The following CTTNBP2 variants were observed in gnomAD, a reference collection of about 807,000 sequenced individuals.
CTTNBP2 encodes the protein cortactin binding protein 2.
Under a neutral mutation model 156.9 loss-of-function variants are expected in CTTNBP2, and 108 were observed. That is an observed-to-expected ratio of 0.69 (90% CI 0.59 to 0.81). CTTNBP2 has a LOEUF of 0.81. Ranked by LOEUF, CTTNBP2 falls within the 30% of genes least tolerant of loss-of-function variation. The probability of loss-of-function intolerance (pLI) is 0.00; values close to 1 mark genes in which losing one functional copy is unlikely to be tolerated. For missense variants in CTTNBP2, 1,924 were observed against 2,035.4 expected (o/e 0.95, Z 1.05); for synonymous variants, 767 against 751.8 (o/e 1.02, Z -0.33).
intron 22 of CTTNBP2, among the ~76,000 whole-genome samples, chr7:117,716,275 T>TG (rs1237468963): frequency 2.0e-5 from 3 of 151,782 alleles, no homozygotes; most frequent in Non-Finnish European, 4.4e-5. Flanking sequence ...CAACTCAATA[T>TG]GGTCATGTGA....
rs905595184 is a variant in CTTNBP2 at position 117,792,888 on chromosome 7, C to T, written c.415-107G>A. On this transcript the variant is annotated intron_variant, in intron 3 of 22. Transcript: ENST00000160373. This position sits in a 1 kb window ranked among gnomAD's most constrained non-coding sequence, Gnocchi z 4.2. ...TTAATTTTCTAACAATTACATAACT[C>T]GGGTTAGCAAAAACGCCACATTTTC... The T allele has an allele frequency of 3.8e-5, 30 of 779,232 alleles. No individual in the cohort carries two copies. The highest frequency in any genetic ancestry group is 1.1e-4 in the Admixed American group (3 of 27,260). The allele number at this position is 779,232 out of a possible 1,614,324, so 48.3% of individuals were successfully genotyped here.
intron 2 of CTTNBP2, among the ~76,000 whole-genome samples, chr7:117,816,082 AG>A (rs1800559603): frequency 1.3e-5 from 2 of 152,182 alleles, no homozygotes; most frequent in Non-Finnish European, 2.9e-5. Context: ...TCTCCTTCCC[AG>A]GGGGGCAATC....
At chr7:117,761,020 A>C (rs1250951605) in intron 9 of CTTNBP2, among the ~76,000 whole-genome samples, 1 of 152,184 alleles carries the variant, frequency 6.6e-6, no homozygotes, top group African/African-American at 2.4e-5. Context: ...AAAGAACTAT[A>C]ACCCTCCCTT....
intron 17 of CTTNBP2, among the ~76,000 whole-genome samples, chr7:117,727,705 T>C (rs1215732671): frequency 6.6e-6 from 1 of 152,204 alleles, no homozygotes; most frequent in East Asian, 1.9e-4. Context: ...AGGAAAACAG[T>C]AAGTACTGAA....
intron 14 of CTTNBP2, among the ~76,000 whole-genome samples, chr7:117,739,793 C>A (rs1239057123): frequency 6.6e-6 from 1 of 152,150 alleles, no homozygotes; most frequent in African/African-American, 2.4e-5. Context: ...ACAGGGCAAG[C>A]CTTTAAAGAG....
chr7:117,798,595 G>A (rs1178713499), intron 3 of CTTNBP2, among the ~76,000 whole-genome samples: 1 of 152,102 alleles, frequency 6.6e-6, no homozygotes, highest in East Asian at 1.9e-4. Flanking sequence ...GCATCTAAAA[G>A]CAGCTAAGGC....
Position 117,745,913 on chromosome 7 carries a change from T to C in CTTNBP2, c.3453A>G (p.Ala1151=). 1.2e-6 allele frequency: 2 copies of C among 1,614,126 alleles called. No individual in the cohort carries two copies. The highest frequency in any genetic ancestry group is 1.7e-6 in the Non-Finnish European group (2 of 1,179,966). Residue 1151 remains alanine, a synonymous_variant, in exon 14 of 23, where the codon GCA becomes GCG. Transcript: ENST00000160373. ...ALCLKHRQMA[A]GFSCEIVRAE... Reference sequence around the variant, plus strand: ...CTCTCACTATTTCACAGGAGAATCCTGCAGCCATTTGTCTGTGCTGTGATA... The same window carrying C: ...CTCTCACTATTTCACAGGAGAATCCCGCAGCCATTTGTCTGTGCTGTGATA...
intron 3 of CTTNBP2, among the ~76,000 whole-genome samples, chr7:117,798,753 ATGAT>A (rs1799457028): frequency 6.6e-6 from 1 of 152,082 alleles, no homozygotes; most frequent in Non-Finnish European, 1.5e-5. Context: ...GAAGAAATAA[ATGAT>A]AGAGAAATTA....
intron 2 of CTTNBP2, among the ~76,000 whole-genome samples, chr7:117,860,771 T>C (rs1180510941): frequency 2.0e-5 from 3 of 152,204 alleles, no homozygotes; most frequent in Admixed American, 2.0e-4. Context: ...TGCATGAGTT[T>C]CTAAAAATAA....
intron 2 of CTTNBP2, among the ~76,000 whole-genome samples, chr7:117,826,200 G>A (rs938129003): frequency 5.9e-5 from 9 of 152,188 alleles, no homozygotes; most frequent in East Asian, 1.9e-4. Context: ...TGTAATCCAC[G>A]TGCCCAAGGA....
At chr7:117,820,732 T>G (rs547106757) in intron 2 of CTTNBP2, among the ~76,000 whole-genome samples, 11 of 152,340 alleles carry the variant, frequency 7.2e-5, no homozygotes, top group African/African-American at 2.2e-4. Flanking sequence ...GAGGTATATG[T>G]AGGTTTCGTT....
chr7:117,790,646 T>G (rs1039411743), intron 4 of CTTNBP2, among the ~76,000 whole-genome samples: 7 of 150,538 alleles, frequency 4.6e-5, no homozygotes, highest in African/African-American at 1.7e-4. Context: ...GAACTTAAAA[T>G]ATACCAATTA....
At chr7:117,826,285 A>G (rs1801273874) in intron 2 of CTTNBP2, among the ~76,000 whole-genome samples, 1 of 152,164 alleles carries the variant, frequency 6.6e-6, no homozygotes, top group Non-Finnish European at 1.5e-5. Flanking sequence ...GAGAAAATAT[A>G]AATAATAAAT....
At chr7:117,795,049 C>T (rs1356817734) in intron 3 of CTTNBP2, among the ~76,000 whole-genome samples, 10 of 151,422 alleles carry the variant, frequency 6.6e-5, no homozygotes, top group South Asian at 4.2e-4. Context: ...CGCCCGCCAC[C>T]GCGCCCGGCT....
chr7:117,808,590 CAA>C (rs747081564), intron 3 of CTTNBP2, among the ~76,000 whole-genome samples: 12 of 152,184 alleles, frequency 7.9e-5, no homozygotes, highest in Non-Finnish European at 1.3e-4. Context: ...TTAGAATTAC[CAA>C]AGAGATATGA....
chr7:117,732,780 G>T lies in CTTNBP2; in HGVS notation c.3876+2133C>A, dbSNP rs1158219659. 2.0e-5 allele frequency among the ~76,000 whole-genome samples: 3 copies of T among 151,966 alleles called. No individual in the cohort carries two copies. In the South Asian group the frequency reaches 6.2e-4, roughly 31 times the overall value. On this transcript the variant is annotated intron_variant, in intron 16 of 22. Transcript: ENST00000160373. ...AGACAGGGGACAATTGTGAACACTGGTATGTCCTACATGAAGGAAATAATT... is the reference window on the plus strand; with the variant it reads ...AGACAGGGGACAATTGTGAACACTGTTATGTCCTACATGAAGGAAATAATT...
intron 3 of CTTNBP2, among the ~76,000 whole-genome samples, chr7:117,800,070 C>A (rs1278050678): frequency 3.3e-5 from 5 of 151,190 alleles, no homozygotes; most frequent in Non-Finnish European, 7.4e-5. Context: ...TGTCAGTTCT[C>A]ACAAAATTAG....
At chr7:117,768,316 C>T (rs1242141065) in intron 8 of CTTNBP2, among the ~76,000 whole-genome samples, 1 of 152,026 alleles carries the variant, frequency 6.6e-6, no homozygotes, top group Non-Finnish European at 1.5e-5. Context: ...AATCCCAGCA[C>T]TTTGGGAGGC....
intron 4 of CTTNBP2, chr7:117,786,438 C>T: frequency 2.3e-6 from 1 of 440,286 alleles, no homozygotes; most frequent in Non-Finnish European, 4.6e-6. Flanking sequence ...TAAAAACAAA[C>T]AAACAAACAA....
Sources: gnomAD v4.1 joint callset for allele counts (sites outside exome capture counted in the v4.1 genomes callset) on GRCh38, gnomAD v4.1.1 for gene constraint, Gnocchi (gnomAD v3.1) non-coding constraint, MANE v1.5 for transcripts, NCBI Gene and HGNC (gene_info 2026-07-23, HGNC 2026-07-21) for gene names.